CACNA1B: variants seen among roughly 807,000 people sequenced by gnomAD.
CACNA1B encodes the protein voltage-dependent N-type calcium channel subunit alpha-1B.
In CACNA1B, 70 loss-of-function variants were observed where a neutral mutation model predicts 247.2. The observed-to-expected ratio is 0.28, with a 90% confidence interval of 0.23 to 0.35. CACNA1B has a LOEUF of 0.35. Among genes scored for constraint, CACNA1B ranks in the 10% least tolerant of loss-of-function variants. The probability of loss-of-function intolerance (pLI) is 1.00; values close to 1 mark genes in which losing one functional copy is unlikely to be tolerated. For missense variants in CACNA1B, 2,367 were observed against 3,197.4 expected (o/e 0.74, Z 6.26); for synonymous variants, 1,231 against 1,294.4 (o/e 0.95, Z 1.05).
chr9:138,010,063 C>T lies in CACNA1B; in HGVS notation c.2146C>T (p.Gln716Ter). 1 of 1,613,598 alleles carries T rather than the reference C, an allele frequency of 6.2e-7. No individual in the cohort carries two copies. The highest frequency in any genetic ancestry group is 8.5e-7 in the Non-Finnish European group (1 of 1,179,548). ...CGCTGTGGACAACCTGGCCAACGCC[C>T]AAGAGCTGACCAAGGTAGGTGGCGA... ...AIAVDNLANA[Q>*]ELTKDEEEME... Residue 716 changes from glutamine (Q) to a stop codon, truncating the protein, a stop_gained, in exon 17 of 47, where the codon CAA becomes TAA. Coordinates refer to ENST00000371372, the MANE Select transcript of CACNA1B (RefSeq NM_000718.4). LOFTEE classifies it high-confidence loss of function. This position sits in a 1 kb window ranked among gnomAD's most constrained non-coding sequence, Gnocchi z 5.3.
chr9:137,963,676 C>T (rs1233726097), intron 10 of CACNA1B, among the ~76,000 whole-genome samples: 1 of 152,150 alleles, frequency 6.6e-6, no homozygotes, highest in Admixed American at 6.5e-5. Flanking sequence ...GGATTATAGT[C>T]GTGAGCCACC....
chr9:137,878,229 G>C lies in CACNA1B; in HGVS notation c.284+12G>C. The C allele has an allele frequency of 8.5e-7, 1 of 1,174,492 alleles. No individual in the cohort carries two copies. The highest frequency in any genetic ancestry group is 1.1e-6 in the Non-Finnish European group (1 of 927,434). 72.8% of individuals were successfully genotyped at this position (1,174,492 alleles called of 1,614,324 possible). A position where few individuals can be genotyped will look rare whatever the true frequency, so the allele number is the denominator to read the frequency against. ...ATCACCGAGTGGCCATATCCTGCCG[G>C]GCGGGGCCGGGCGGGGCCGGGCGGG... is the stretch of plus-strand genomic sequence containing the variant. On this transcript the variant is annotated intron_variant, in intron 1 of 46. Transcript: ENST00000371372.
chr9:138,095,957 TG>T lies in CACNA1B; in HGVS notation c.5095-523del, dbSNP rs1260551227. 3.9e-5 allele frequency among the ~76,000 whole-genome samples: 4 copies of T among 102,056 alleles called. No individual in the cohort carries two copies. The East Asian group carries it at 1.1e-3, about 29-fold the overall frequency. The allele number at this position is 102,056 out of a possible 152,430, so 67.0% of individuals were successfully genotyped here. ...GCCAGGGGGTTGGGGGGGCGGGGAT[TG>T]GGGTGGTGATTACCCAATGTGTATG... On this transcript the variant is annotated intron_variant, in intron 36 of 46. Coordinates refer to ENST00000371372, the MANE Select transcript of CACNA1B (RefSeq NM_000718.4).
rs564438287 is a variant in CACNA1B, at chr9:137,955,029, C to T, written c.1071-669C>T. 2.9e-4 allele frequency among the ~76,000 whole-genome samples: 44 copies of T among 151,810 alleles called. No homozygotes were observed. The highest frequency in any genetic ancestry group is 4.9e-4 in the Non-Finnish European group (33 of 68,012). On this transcript the variant is annotated intron_variant, in intron 7 of 46. Coordinates refer to ENST00000371372, the MANE Select transcript of CACNA1B (RefSeq NM_000718.4). The surrounding 1 kb of genome is among the most constrained non-coding windows in gnomAD (Gnocchi z 6.9). ...AAGTGTTCTCTGCTGGTCACCATGA[C>T]GGCTGTGAAGGCTCAGGCGGGGCTG... is the stretch of plus-strand genomic sequence containing the variant.
At chr9:137,989,263 G>A (rs1182898560) in intron 15 of CACNA1B, among the ~76,000 whole-genome samples, 5 of 152,196 alleles carry the variant, frequency 3.3e-5, no homozygotes, top group African/African-American at 1.2e-4. Flanking sequence ...GAAATATACA[G>A]CTATTTACAT....
intron 10 of CACNA1B, among the ~76,000 whole-genome samples, chr9:137,962,927 G>A (rs1055484790): frequency 2.0e-5 from 3 of 152,178 alleles, no homozygotes; most frequent in Admixed American, 2.0e-4. Context: ...TTCAACTCCT[G>A]AATGTCTTTG....
chr9:137,896,093 G>T (rs190623771), intron 3 of CACNA1B, among the ~76,000 whole-genome samples: 1 of 152,016 alleles, frequency 6.6e-6, no homozygotes, highest in South Asian at 2.1e-4. Flanking sequence ...CAAAAAGTTA[G>T]CCGGGTGTGG....
chr9:138,034,267 G>C (rs1031269994), intron 20 of CACNA1B, among the ~76,000 whole-genome samples: 1 of 152,000 alleles, frequency 6.6e-6, no homozygotes, highest in African/African-American at 2.4e-5. Context: ...TAGGCTCCCC[G>C]TGTGATCTCT....
chr9:138,025,625 G>T (rs1395654509), intron 20 of CACNA1B, among the ~76,000 whole-genome samples: 1 of 152,162 alleles, frequency 6.6e-6, no homozygotes, highest in East Asian at 1.9e-4. Context: ...TTTGTTCATG[G>T]GCCTGTGCCA....
chr9:137,955,871 C>A lies in CACNA1B; in HGVS notation c.1186+58C>A. 8.7e-7 allele frequency: 1 copy of A among 1,153,532 alleles called. No individual in the cohort carries two copies. 71.5% of individuals were successfully genotyped at this position (1,153,532 alleles called of 1,614,324 possible). Reference sequence around the variant, plus strand: ...CCGGCCACTGTTAGTTCTCTGTCCCCAATTCTGCTCTGCTGCCAGCTGGGG... The same window carrying A: ...CCGGCCACTGTTAGTTCTCTGTCCCAAATTCTGCTCTGCTGCCAGCTGGGG... On this transcript the variant is annotated intron_variant, in intron 8 of 46. Coordinates refer to ENST00000371372, the MANE Select transcript of CACNA1B (RefSeq NM_000718.4). This position sits in a 1 kb window ranked among gnomAD's most constrained non-coding sequence, Gnocchi z 6.9.
rs368482058 is a variant in CACNA1B at position 137,956,164 on chromosome 9, T to C, written c.1186+351T>C. Among the ~76,000 whole-genome samples, 4 of 152,170 alleles carry C rather than the reference T, an allele frequency of 2.6e-5. No homozygotes were observed. The East Asian group carries it at 5.8e-4, about 22-fold the overall frequency. On this transcript the variant is annotated intron_variant, in intron 8 of 46. Transcript: ENST00000371372. ...CCAGGCCAGCACTCTTTCCTCCACA[T>C]GGGGCATCCACTCACACCTCCTAAG...
rs555072679 is a variant in CACNA1B, at chr9:138,052,804, C to T, written c.3807+616C>T. 6.6e-6 allele frequency among the ~76,000 whole-genome samples: 1 copy of T among 152,284 alleles called. No individual in the cohort carries two copies. The highest frequency in any genetic ancestry group is 1.9e-4 in the East Asian group (1 of 5,178). The stretch of plus-strand genomic sequence containing the variant: ...TGGGCTGGCAGGCAGCTGGGGAAGG[C>T]GTCGGAGGCCCACTGGGTCCAGGGA... On this transcript the variant is annotated intron_variant, in intron 25 of 46. Transcript: ENST00000371372. This position sits in a 1 kb window ranked among gnomAD's most constrained non-coding sequence, Gnocchi z 5.1.
Position 137,950,349 on chromosome 9 carries a change from C to T in CACNA1B, c.967-1925C>T, listed in dbSNP as rs548490309. Among the ~76,000 whole-genome samples the T allele has an allele frequency of 5.9e-5, 9 of 152,236 alleles. No individual in the cohort carries two copies. The highest frequency in any genetic ancestry group is 9.6e-5 in the African/African-American group (4 of 41,476). On this transcript the variant is annotated intron_variant, in intron 6 of 46. Coordinates refer to ENST00000371372, the MANE Select transcript of CACNA1B (RefSeq NM_000718.4). This position sits in a 1 kb window ranked among gnomAD's most constrained non-coding sequence, Gnocchi z 4.8. ...CAAGGCCCTTCTGATAGCTCCCTAG[C>T]TGCAGGGGGTGCCCCTACTGCCTGT...
intron 21 of CACNA1B, among the ~76,000 whole-genome samples, chr9:138,044,334 G>T (rs747646077): frequency 1.3e-5 from 2 of 152,182 alleles, no homozygotes; most frequent in Non-Finnish European, 2.9e-5. Flanking sequence ...TTCAGTCCAG[G>T]GCTTCCATTA....
chr9:138,022,805 TG>T (rs71387879), intron 18 of CACNA1B, among the ~76,000 whole-genome samples: 2,931 of 131,968 alleles, frequency 0.022, 55 homozygotes, highest in Middle Eastern at 0.052. Flanking sequence ...TGGGACACCG[TG>T]GGGGGGGGGG....
intron 6 of CACNA1B, among the ~76,000 whole-genome samples, chr9:137,939,728 G>A (rs560845227): frequency 6.1e-4 from 92 of 151,822 alleles, no homozygotes; most frequent in Non-Finnish European, 3.7e-4. Context: ...GCATGAACCC[G>A]GGAGGCGGAG....
chr9:138,006,708 G>T, intron 15 of CACNA1B, 59 bp from the exon 16 acceptor site: 1 of 903,028 alleles, frequency 1.1e-6, no homozygotes, highest in Non-Finnish European at 1.8e-6. Flanking sequence ...GGGTGGGGGT[G>T]CGTGTGTGTG....
In CACNA1B at chr9:138,047,047, A is replaced by G. The variant is rs372336564; in HGVS notation, c.3543+14A>G. Reference sequence around the variant, plus strand: ...CCCAGGAACAACGTGAGTGGCCCGGATGGCCGGGTCCCCGCCAGGCTGTGG... The same window carrying G: ...CCCAGGAACAACGTGAGTGGCCCGGGTGGCCGGGTCCCCGCCAGGCTGTGG... On this transcript the variant is annotated intron_variant, in intron 22 of 46. Coordinates refer to ENST00000371372, the MANE Select transcript of CACNA1B (RefSeq NM_000718.4). 7.5e-6 allele frequency: 12 copies of G among 1,600,066 alleles called. No homozygotes were observed. The African/African-American group carries it at 1.5e-4, about 20-fold the overall frequency.
chr9:137,904,926 T>C (rs1245887702), intron 3 of CACNA1B, among the ~76,000 whole-genome samples: 4 of 152,186 alleles, frequency 2.6e-5, no homozygotes, highest in Admixed American at 1.3e-4. Context: ...TTGAAGAAAA[T>C]CCTTCATGAT....
Sources: gnomAD v4.1 joint callset for allele counts (sites outside exome capture counted in the v4.1 genomes callset) on GRCh38, gnomAD v4.1.1 for gene constraint, Gnocchi (gnomAD v3.1) non-coding constraint, MANE v1.5 for transcripts, NCBI Gene and HGNC (gene_info 2026-07-23, HGNC 2026-07-21) for gene names.